LPP: variants seen among roughly 807,000 people sequenced by gnomAD.
LPP encodes lipoma-preferred partner.
Under a neutral mutation model 60.4 loss-of-function variants are expected in LPP, and 38 were observed. That is an observed-to-expected ratio of 0.63 (90% CI 0.49 to 0.83). The LOEUF (loss-of-function observed/expected upper bound fraction) is 0.83, where lower values mean the gene tolerates loss of function less well. Ranked by LOEUF, LPP falls within the 40% of genes least tolerant of loss-of-function variation. LPP has a pLI of 0.00. For missense variants in LPP, 902 were observed against 783.6 expected (o/e 1.15, Z -1.80); for synonymous variants, 328 against 290.8 (o/e 1.13, Z -1.30).
chr3:188,646,299 A>G (rs1015299565), intron 7 of LPP, among the ~76,000 whole-genome samples: 5 of 152,134 alleles, frequency 3.3e-5, no homozygotes, highest in Non-Finnish European at 5.9e-5. Context: ...GGTCACCTGG[A>G]GCATAATATG....
chr3:188,587,838 T>G (rs1837815523), intron 6 of LPP, among the ~76,000 whole-genome samples: 1 of 152,198 alleles, frequency 6.6e-6, no homozygotes, highest in Non-Finnish European at 1.5e-5. Context: ...GTTTAGGGAA[T>G]AATTTACCTA....
chr3:188,669,428 T>G (rs1381818121), intron 7 of LPP, among the ~76,000 whole-genome samples: 1 of 151,838 alleles, frequency 6.6e-6, no homozygotes, highest in Non-Finnish European at 1.5e-5. Flanking sequence ...TACAAAAAAT[T>G]AGCTGGGCGT....
At chr3:188,525,375 A>G (rs1820316796) in intron 6 of LPP, among the ~76,000 whole-genome samples, 1 of 152,206 alleles carries the variant, frequency 6.6e-6, no homozygotes, top group Non-Finnish European at 1.5e-5. Flanking sequence ...CTCTTTGAGT[A>G]CTTTCTTTAA....
chr3:188,530,172 C>G (rs59402459), intron 6 of LPP, among the ~76,000 whole-genome samples: 1 of 151,520 alleles, frequency 6.6e-6, no homozygotes, highest in African/African-American at 2.4e-5. Context: ...ACTTACTTAG[C>G]AGTACCTAAG....
intron 9 of LPP, among the ~76,000 whole-genome samples, chr3:188,777,870 TGA>T (rs1490179321): frequency 6.6e-6 from 1 of 152,212 alleles, no homozygotes; most frequent in African/African-American, 2.4e-5. Flanking sequence ...ATCTTTTTAG[TGA>T]GAGAGTTTCT....
At chr3:188,827,582 G>A (rs1755914334) in intron 9 of LPP, among the ~76,000 whole-genome samples, 2 of 152,138 alleles carry the variant, frequency 1.3e-5, no homozygotes, top group South Asian at 4.1e-4. Flanking sequence ...TAAAGAAGTG[G>A]GGTTGAAGCT....
intron 2 of LPP, among the ~76,000 whole-genome samples, chr3:188,290,261 C>A (rs1423927360): frequency 6.6e-6 from 1 of 152,164 alleles, no homozygotes; most frequent in East Asian, 1.9e-4. Context: ...CAGACGTGAG[C>A]CACCATGCCC....
chr3:188,630,858 A>T (rs1239498308), intron 7 of LPP, among the ~76,000 whole-genome samples: 1 of 152,180 alleles, frequency 6.6e-6, no homozygotes, highest in Non-Finnish European at 1.5e-5. Flanking sequence ...AAAGAGCGAG[A>T]TCATGTCCTT....
At chr3:188,273,425 C>T (rs1577743641) in intron 2 of LPP, among the ~76,000 whole-genome samples, 1 of 152,020 alleles carries the variant, frequency 6.6e-6, no homozygotes, top group Non-Finnish European at 1.5e-5. Flanking sequence ...AGATGCTGAC[C>T]TGTAGAAGTG....
chr3:188,578,201 G>A (rs1306108493), intron 6 of LPP, among the ~76,000 whole-genome samples: 1 of 151,820 alleles, frequency 6.6e-6, no homozygotes, highest in Admixed American at 6.6e-5. Context: ...CCTTTCAAGT[G>A]GAGTGGCCAC....
intron 1 of LPP, among the ~76,000 whole-genome samples, chr3:188,210,702 C>T (rs1734460883): frequency 6.6e-6 from 1 of 152,132 alleles, no homozygotes; most frequent in Non-Finnish European, 1.5e-5. Flanking sequence ...TCATATTGAT[C>T]TCTGTGGCTC....
intron 6 of LPP, among the ~76,000 whole-genome samples, chr3:188,592,557 G>GTTTTTTTTT (rs1553936333): frequency 4.7e-5 from 4 of 85,780 alleles, no homozygotes; most frequent in African/African-American, 1.8e-4. Context: ...TTTTGTTTTT[G>GTTTTTTTTT]TTTTTTAAAT....
intron 9 of LPP, among the ~76,000 whole-genome samples, chr3:188,813,029 C>A (rs1047557791): frequency 6.6e-6 from 1 of 152,100 alleles, no homozygotes; most frequent in African/African-American, 2.4e-5. Context: ...TGTATTTCCA[C>A]TCACTCAGTA....
intron 1 of LPP, among the ~76,000 whole-genome samples, chr3:188,192,382 G>A (rs967741489): frequency 3.9e-5 from 6 of 152,198 alleles, no homozygotes; most frequent in Admixed American, 3.3e-4. Context: ...AGGTAATTGT[G>A]AGCACAGTCG....
chr3:188,609,409 G>T lies in LPP; in HGVS notation c.678G>T (p.Lys226Asn). 1 of 1,614,152 alleles carries T rather than the reference G, an allele frequency of 6.2e-7. No homozygotes were observed. The highest frequency in any genetic ancestry group is 8.5e-7 in the Non-Finnish European group (1 of 1,180,034). ...SSRPTFNVQVKSAQPSPHYMA... is the reference protein window; with the variant it reads ...SSRPTFNVQVNSAQPSPHYMA... Reference sequence around the variant, plus strand: ...GGCCTACCTTTAATGTGCAGGTGAAGTCAGCCCAGCCCAGCCCTCATTATA... The same window carrying T: ...GGCCTACCTTTAATGTGCAGGTGAATTCAGCCCAGCCCAGCCCTCATTATA... Residue 226 changes from lysine to asparagine, a missense_variant, in exon 7 of 12, where the codon AAG becomes AAT. Transcript: ENST00000617246. This position sits in a 1 kb window ranked among gnomAD's most constrained non-coding sequence, Gnocchi z 6.9.
rs1373246310 is a variant in LPP, at chr3:188,169,326, G to A, written c.-190+15074G>A. Reference sequence around the variant, plus strand: ...TGGGTTTAGTTTATCCGTGTAACACGTATTATTGGCTTGCAGTGTGTAAGG... The same window carrying A: ...TGGGTTTAGTTTATCCGTGTAACACATATTATTGGCTTGCAGTGTGTAAGG... On this transcript the variant is annotated intron_variant, in intron 1 of 11. Transcript: ENST00000617246. Among the ~76,000 whole-genome samples the A allele has an allele frequency of 5.9e-5, 9 of 152,280 alleles. No individual in the cohort carries two copies. The East Asian group carries it at 9.6e-4, about 16-fold the overall frequency.
intron 4 of LPP, among the ~76,000 whole-genome samples, chr3:188,429,503 AGCATATGTTTTATTTAT>A (rs1407932296): frequency 6.6e-6 from 1 of 152,142 alleles, no homozygotes; most frequent in African/African-American, 2.4e-5. Flanking sequence ...GGTGAAAGTG[AGCATATGTTTTATTTAT>A]GCATCATCCA....
intron 4 of LPP, among the ~76,000 whole-genome samples, chr3:188,436,847 G>A (rs1296964469): frequency 6.6e-6 from 1 of 152,140 alleles, no homozygotes; most frequent in African/African-American, 2.4e-5. Context: ...GTAGTGGGAT[G>A]GTGAGCAGGC....
At chr3:188,485,019 T>G (rs2149677290) in intron 5 of LPP, among the ~76,000 whole-genome samples, 1 of 152,300 alleles carries the variant, frequency 6.6e-6, no homozygotes, top group African/African-American at 2.4e-5. Context: ...TCCTTGTTAT[T>G]TTGGAGGACA....
Sources: allele counts gnomAD v4.1 joint callset (sites outside exome capture counted in the v4.1 genomes callset), GRCh38; gene constraint gnomAD v4.1.1; non-coding constraint Gnocchi (gnomAD v3.1); transcripts MANE v1.5; gene names NCBI Gene and HGNC (gene_info 2026-07-23, HGNC 2026-07-21).